Variants in GPCPD1 observed in about 807,000 individuals in gnomAD.
The protein encoded by GPCPD1 is glycerophosphocholine phosphodiesterase GPCPD1.
In GPCPD1, 29 loss-of-function variants were observed where a neutral mutation model predicts 89.2. That is an observed-to-expected ratio of 0.33 (90% CI 0.24 to 0.44). The LOEUF (loss-of-function observed/expected upper bound fraction) is 0.44. GPCPD1 is among the 20% of genes least tolerant of loss of function. GPCPD1 has a pLI of 1.00. For synonymous variants in GPCPD1, 258 were observed against 266.3 expected, an observed-to-expected ratio of 0.97 and a Z score of 0.30; for missense variants, 594 against 808.9, an observed-to-expected ratio of 0.73 and a Z score of 3.22.
intron 4 of GPCPD1, 77 bp downstream of exon 4, chr20:5,593,250 T>G (rs1979457560): frequency 1.3e-6 from 1 of 756,732 alleles, no homozygotes; most frequent in Non-Finnish European, 2.4e-6. Flanking sequence ...CATTTTACTT[T>G]GAACGTGTTC....
rs1985987776 is a variant in GPCPD1 at position 5,559,805 on chromosome 20, G to A, written c.1532+135C>T. 2.2e-5 allele frequency: 11 copies of A among 509,634 alleles called. No individual in the cohort carries two copies. In the East Asian group the frequency reaches 3.7e-4, roughly 17 times the overall value. The allele number at this position is 509,634 out of a possible 1,614,324, so 31.6% of individuals were successfully genotyped here. A position where few individuals can be genotyped will look rare whatever the true frequency, so the allele number is the denominator to read the frequency against. On this transcript the variant is annotated intron_variant, in intron 17 of 19. Coordinates refer to ENST00000379019, the MANE Select transcript of GPCPD1 (RefSeq NM_019593.5). ...AGCAAACAGTCAAGAAAGGGCATGAGGAAACACACAACCTGACATGATTTC... is the reference window on the plus strand; with the variant it reads ...AGCAAACAGTCAAGAAAGGGCATGAAGAAACACACAACCTGACATGATTTC...
At position 5,561,477 on chromosome 20, in the gene GPCPD1, G is replaced by A. The variant is rs866180811; in HGVS notation, c.1383C>T (p.Ile461=). 1 of 1,575,424 alleles carries A rather than the reference G, an allele frequency of 6.3e-7. No individual in the cohort carries two copies. The highest frequency in any genetic ancestry group is 2.3e-5 in the East Asian group (1 of 44,438). Residue 461 remains isoleucine (I), a synonymous_variant, in exon 16 of 20, where the codon ATC becomes ATT. Transcript: ENST00000379019. ...DVGFNIEIKW[I]CQQRDGMWDG... ...GAGAATTACTTACCCTTTGCTGGCAGATCCATTTTATTTCAATGTTAAACC... is the reference window on the plus strand; with the variant it reads ...GAGAATTACTTACCCTTTGCTGGCAAATCCATTTTATTTCAATGTTAAACC...
chr20:5,593,018 A>C (rs1410957758), intron 4 of GPCPD1, among the ~76,000 whole-genome samples: 3 of 152,234 alleles, frequency 2.0e-5, no homozygotes, highest in African/African-American at 7.2e-5. Flanking sequence ...CCAAAAGTAA[A>C]AGCTCTGCAA....
intron 4 of GPCPD1, among the ~76,000 whole-genome samples, chr20:5,590,098 G>A (rs1355558935): frequency 6.6e-6 from 1 of 151,938 alleles, no homozygotes; most frequent in African/African-American, 2.4e-5. Context: ...CCAATATGTA[G>A]ATTGGAAGTT....
chr20:5,571,671 G>A (rs1986725830), intron 11 of GPCPD1, among the ~76,000 whole-genome samples: 2 of 152,186 alleles, frequency 1.3e-5, no homozygotes, highest in South Asian at 4.1e-4. Context: ...CACTTTGGGA[G>A]GCTGAGGCAG....
At chr20:5,554,641 C>T (rs960264531) in intron 19 of GPCPD1, among the ~76,000 whole-genome samples, 1 of 152,182 alleles carries the variant, frequency 6.6e-6, no homozygotes, top group African/African-American at 2.4e-5. Flanking sequence ...ATTGACAATG[C>T]ACCTGGTCAC....
chr20:5,576,634 G>A (rs891365193), intron 8 of GPCPD1, among the ~76,000 whole-genome samples: 4 of 151,904 alleles, frequency 2.6e-5, no homozygotes, highest in Admixed American at 2.0e-4. Context: ...AGCACTGCTC[G>A]AAAATTTCTA....
At chr20:5,592,957 CTA>C (rs1045003384) in intron 4 of GPCPD1, among the ~76,000 whole-genome samples, 1 of 152,066 alleles carries the variant, frequency 6.6e-6, no homozygotes, top group Non-Finnish European at 1.5e-5. Context: ...TTAAAACAGG[CTA>C]TATACTTCTC....
At position 5,561,533 on chromosome 20, in the gene GPCPD1, A is replaced by G. The variant is rs541936841; in HGVS notation, c.1330-3T>C. ...TCTTCTGGCAAAGACTCTAAAACCT[A>G]CAGTTTTGTTTGTTGGTAAATTTTG... On this transcript the variant is annotated splice_region_variant and splice_polypyrimidine_tract_variant and intron_variant, in intron 15 of 19. Transcript: ENST00000379019. The G allele has an allele frequency of 1.9e-6, 3 of 1,576,536 alleles. No individual in the cohort carries two copies. Among genetic ancestry groups the G allele is most frequent in the Admixed American group, 1.7e-5 (1 of 59,336 alleles).
At chr20:5,595,550 C>T (rs1448414953) in intron 3 of GPCPD1, among the ~76,000 whole-genome samples, 1 of 151,938 alleles carries the variant, frequency 6.6e-6, no homozygotes, top group South Asian at 2.1e-4. Flanking sequence ...CTGAGGCAGG[C>T]GAATCACTTG....
intron 6 of GPCPD1, among the ~76,000 whole-genome samples, chr20:5,583,785 A>G (rs1031839194): frequency 6.6e-6 from 1 of 152,224 alleles, no homozygotes; most frequent in Admixed American, 6.5e-5. Flanking sequence ...CACACTTTAG[A>G]TATTTAGAAA....
At chr20:5,561,359 T>G in intron 16 of GPCPD1, 106 bp downstream of exon 16, 6 of 598,376 alleles carry the variant, frequency 1.0e-5, no homozygotes, top group African/African-American at 1.9e-5. Flanking sequence ...GAAGCCACAA[T>G]GAGATTTCAA....
Position 5,595,809 on chromosome 20 carries a change from G to C in GPCPD1, c.147-2398C>G, listed in dbSNP as rs534003462. ...CTGCTACCCCAAAAAGAAAAAAAGG[G>C]GGGGGGACAAATTCCCAGTACTACC... is the stretch of plus-strand genomic sequence containing the variant. On this transcript the variant is annotated intron_variant, in intron 3 of 19. Coordinates refer to ENST00000379019, the MANE Select transcript of GPCPD1 (RefSeq NM_019593.5). 1.7e-4 allele frequency among the ~76,000 whole-genome samples: 26 copies of C among 151,864 alleles called. No homozygotes were observed. In the South Asian group the frequency reaches 5.2e-3, roughly 30 times the overall value.
In GPCPD1 at chr20:5,545,718, T is replaced by C. The variant is rs1275738759; in HGVS notation, c.*1943A>G. The C allele has an allele frequency of 6.6e-6, 1 of 152,254 alleles. No homozygotes were observed. The highest frequency in any genetic ancestry group is 1.5e-5 in the Non-Finnish European group (1 of 68,078). The allele number at this position is 152,254 out of a possible 1,614,324, so 9.4% of individuals were successfully genotyped here. On this transcript the variant is annotated 3_prime_UTR_variant, in exon 20 of 20. Transcript: ENST00000379019. ...TTAATCATCTACTAACACTGGTTCA[T>C]AAGGTCAGGAAGAGATAGGACAGAA... is the stretch of plus-strand genomic sequence containing the variant.
At chr20:5,598,301 G>C (rs1419042955) in intron 3 of GPCPD1, among the ~76,000 whole-genome samples, 2 of 152,090 alleles carry the variant, frequency 1.3e-5, no homozygotes, top group East Asian at 1.9e-4. Context: ...AGCTACTCAG[G>C]AGGCTGAGGC....
At chr20:5,549,169 A>G (rs1985221551) in intron 19 of GPCPD1, 1 of 659,238 alleles carries the variant, frequency 1.5e-6, no homozygotes, top group Non-Finnish European at 2.9e-6. Flanking sequence ...GATGATGGCT[A>G]ATTTACATTG....
At chr20:5,555,832 T>G (rs1985732135) in intron 19 of GPCPD1, among the ~76,000 whole-genome samples, 1 of 152,084 alleles carries the variant, frequency 6.6e-6, no homozygotes, top group Non-Finnish European at 1.5e-5. Context: ...CCAGCCAGGG[T>G]ATTAAGAGTG....
At chr20:5,584,432 T>G (rs1039200127) in intron 5 of GPCPD1, 110 bp from the exon 6 acceptor site, 2 of 567,136 alleles carry the variant, frequency 3.5e-6, no homozygotes, top group Admixed American at 3.2e-5. Context: ...AATCTACAGC[T>G]TAAAAGCAGC....
chr20:5,598,952 T>C (rs146162768), intron 2 of GPCPD1, 131 bp from the exon 3 acceptor site: 26 of 662,408 alleles, frequency 3.9e-5, no homozygotes, highest in Non-Finnish European at 5.5e-5. Flanking sequence ...TCACTAGATA[T>C]AGGTTTGGGC....
Sources: allele counts gnomAD v4.1 joint callset (sites outside exome capture counted in the v4.1 genomes callset), GRCh38; gene constraint gnomAD v4.1.1; transcripts MANE v1.5; gene names NCBI Gene and HGNC (gene_info 2026-07-23, HGNC 2026-07-21).